CSK: variants seen among roughly 807,000 people sequenced by gnomAD.
CSK encodes the protein C-terminal Src kinase, also known as tyrosine-protein kinase CSK.
Under a neutral mutation model 62.3 loss-of-function variants are expected in CSK, and 7 were observed. That is an observed-to-expected ratio of 0.11 (90% CI 0.06 to 0.21). The LOEUF is 0.21. Among genes scored for constraint, CSK ranks in the 10% least tolerant of loss-of-function variants. CSK has a pLI of 1.00. For missense variants in CSK, 294 were observed against 613.5 expected, an observed-to-expected ratio of 0.48 and a Z score of 5.50; for synonymous variants, 237 against 246.0, an observed-to-expected ratio of 0.96 and a Z score of 0.34.
intron 1 of CSK, among the ~76,000 whole-genome samples, chr15:74,784,145 T>G (rs2063481248): frequency 6.6e-6 from 1 of 152,232 alleles, no homozygotes; most frequent in Admixed American, 6.5e-5. Flanking sequence ...CTGAGCAGTG[T>G]CTGGGCTCCC....
At position 74,798,979 on chromosome 15, in the gene CSK, G is replaced by A. The variant is rs1385900370; in HGVS notation, c.242+41G>A. On this transcript the variant is annotated intron_variant, in intron 4 of 12. Coordinates refer to ENST00000220003, the MANE Select transcript of CSK (RefSeq NM_004383.3). The surrounding 1 kb of genome is among the most constrained non-coding windows in gnomAD (Gnocchi z 6.6). ...AGGGGTTGGGGAGGGAAGGGGCCTT[G>A]GTCCTCCTGAAGGAGCATCAGGAGC... 2.0e-6 allele frequency: 3 copies of A among 1,464,618 alleles called. No homozygotes were observed. The highest frequency in any genetic ancestry group is 2.7e-6 in the Non-Finnish European group (3 of 1,112,274). 90.7% of individuals were successfully genotyped at this position (1,464,618 alleles called of 1,614,324 possible). A position where few individuals can be genotyped will look rare whatever the true frequency, so the allele number is the denominator to read the frequency against.
chr15:74,795,985 G>A (rs994156497), intron 1 of CSK, among the ~76,000 whole-genome samples: 1 of 152,202 alleles, frequency 6.6e-6, no homozygotes, highest in East Asian at 1.9e-4. Context: ...TGGGAGGCTG[G>A]GGCAGGCGGA....
At chr15:74,789,312 C>T (rs1427576240) in intron 1 of CSK, among the ~76,000 whole-genome samples, 1 of 152,206 alleles carries the variant, frequency 6.6e-6, no homozygotes, top group Non-Finnish European at 1.5e-5. Context: ...GACCCTGGCG[C>T]CCAATTCTGC....
At position 74,786,002 on chromosome 15, in the gene CSK, C is replaced by CTCTTTTTT. The variant is rs397829139; in HGVS notation, c.-66+3283_-66+3284insCTTTTTTT. 6.2e-4 allele frequency among the ~76,000 whole-genome samples: 46 copies of CTCTTTTTT among 73,620 alleles called. 1 individual carries two copies. The highest frequency in any genetic ancestry group is 2.9e-3 in the African/African-American group (46 of 15,836). 48.3% of individuals were successfully genotyped at this position (73,620 alleles called of 152,430 possible). On this transcript the variant is annotated intron_variant, in intron 1 of 12. Transcript: ENST00000220003. ...AGGCCTCTTCTCTCTCTCTCTCTCT[C>CTCTTTTTT]TTTTTTTTTTTTGTGTGTGTGTGTG...
intron 1 of CSK, among the ~76,000 whole-genome samples, chr15:74,789,116 TG>T (rs1227614250): frequency 6.6e-6 from 1 of 152,158 alleles, no homozygotes; most frequent in Non-Finnish European, 1.5e-5. Flanking sequence ...ACTGAACCAT[TG>T]GGGGCAGGGG....
intron 5 of CSK, 128 bp downstream of exon 5, chr15:74,799,619 C>A: frequency 3.2e-6 from 3 of 940,136 alleles, no homozygotes; most frequent in Admixed American, 2.3e-5. Context: ...CTTCTGTGAG[C>A]CCTTGTTTCC....
chr15:74,787,869 C>T (rs895120267), intron 1 of CSK, among the ~76,000 whole-genome samples: 3 of 152,202 alleles, frequency 2.0e-5, no homozygotes, highest in Non-Finnish European at 4.4e-5. Flanking sequence ...TGCAGACTCG[C>T]GCATCTATCT....
At position 74,802,668 on chromosome 15, in the gene CSK, C is replaced by A; in HGVS notation, c.*155C>A. The A allele has an allele frequency of 1.1e-6, 1 of 904,824 alleles. No homozygotes were observed. Among genetic ancestry groups the A allele is most frequent in the Non-Finnish European group, 1.6e-6 (1 of 630,276 alleles). The allele number at this position is 904,824 out of a possible 1,614,324, so 56.0% of individuals were successfully genotyped here. On this transcript the variant is annotated 3_prime_UTR_variant, in exon 13 of 13. Transcript: ENST00000220003. Reference sequence around the variant, plus strand: ...CCAGCCTGCACCCCTCCGGCCCCGTCTCTCTTGGACCCACCTGTGGGGCCT... The same window carrying A: ...CCAGCCTGCACCCCTCCGGCCCCGTATCTCTTGGACCCACCTGTGGGGCCT...
chr15:74,802,119 A>G (rs1282175962), intron 12 of CSK, 36 bp downstream of exon 12: 1 of 1,601,508 alleles, frequency 6.2e-7, no homozygotes, highest in East Asian at 2.2e-5. Context: ...TGGCTCTTGG[A>G]GCACCGGAGG....
intron 1 of CSK, chr15:74,788,722 T>A (rs1567215060): frequency 6.5e-6 from 1 of 154,176 alleles, no homozygotes; most frequent in Admixed American, 6.5e-5. Flanking sequence ...TTAGACAGCT[T>A]ATGGGCCTCC....
chr15:74,795,614 G>A (rs1247334492), intron 1 of CSK, among the ~76,000 whole-genome samples: 1 of 152,218 alleles, frequency 6.6e-6, no homozygotes, highest in Non-Finnish European at 1.5e-5. Flanking sequence ...GGATTACAAA[G>A]TATGTGTGTG....
chr15:74,799,102 C>T, intron 4 of CSK, 164 bp downstream of exon 4: 1 of 950,676 alleles, frequency 1.1e-6, no homozygotes, highest in Non-Finnish European at 1.5e-6. Flanking sequence ...GGGCTGGGGG[C>T]AGAGGCAGGA....
At chr15:74,791,595 C>T (rs927515407) in intron 1 of CSK, among the ~76,000 whole-genome samples, 4 of 152,284 alleles carry the variant, frequency 2.6e-5, no homozygotes, top group South Asian at 2.1e-4. Context: ...GCTGTCCCCC[C>T]GACCACCCCT....
intron 1 of CSK, among the ~76,000 whole-genome samples, chr15:74,789,330 C>T (rs1161035168): frequency 6.6e-6 from 1 of 152,200 alleles, no homozygotes; most frequent in East Asian, 1.9e-4. Flanking sequence ...TGCTGCTGCT[C>T]ACCCTGAGAC....
rs777272259 is a variant in CSK at position 74,798,316 on chromosome 15, C to T, written c.15+4C>T. The T allele has an allele frequency of 5.7e-6, 9 of 1,585,408 alleles. No homozygotes were observed. The South Asian group carries it at 8.1e-5, about 14-fold the overall frequency. ...TGAGAAGATGTCAGCAATACAGGTA[C>T]CACAGGGGTGAGGGTCTGGGACATG... On this transcript the variant is annotated splice_donor_region_variant and intron_variant, in intron 2 of 12. Transcript: ENST00000220003. This position sits in a 1 kb window ranked among gnomAD's most constrained non-coding sequence, Gnocchi z 6.6.
chr15:74,790,169 T>C (rs1451641771), intron 1 of CSK, among the ~76,000 whole-genome samples: 2 of 152,202 alleles, frequency 1.3e-5, no homozygotes, highest in African/African-American at 4.8e-5. Context: ...CACCAGAATC[T>C]CCGGGGGCCA....
At chr15:74,793,733 T>G (rs2063660598) in intron 1 of CSK, among the ~76,000 whole-genome samples, 1 of 152,170 alleles carries the variant, frequency 6.6e-6, no homozygotes, top group South Asian at 2.1e-4. Flanking sequence ...TTTTTATTAT[T>G]ATAATCAAGG....
chr15:74,790,514 C>A (rs939202294), intron 1 of CSK, among the ~76,000 whole-genome samples: 2 of 152,218 alleles, frequency 1.3e-5, no homozygotes, highest in East Asian at 3.9e-4. Context: ...AGCCTGTTCC[C>A]GGGACCCCAG....
intron 1 of CSK, among the ~76,000 whole-genome samples, chr15:74,792,281 C>A (rs1357337513): frequency 1.3e-5 from 2 of 152,080 alleles, no homozygotes; most frequent in Admixed American, 6.5e-5. Flanking sequence ...CAGCTGCACC[C>A]CCAAGGTTGA....
Sources: allele counts gnomAD v4.1 joint callset (sites outside exome capture counted in the v4.1 genomes callset), GRCh38; gene constraint gnomAD v4.1.1; non-coding constraint Gnocchi (gnomAD v3.1); transcripts MANE v1.5; gene names NCBI Gene and HGNC (gene_info 2026-07-23, HGNC 2026-07-21).